Variants in WWOX observed in about 807,000 individuals in gnomAD.
The protein encoded by WWOX is WW domain containing oxidoreductase.
Under a neutral mutation model 46.2 loss-of-function variants are expected in WWOX, and 69 were observed. That is an observed-to-expected ratio of 1.49 (90% CI 1.23 to 1.82). WWOX has a LOEUF of 1.82. WWOX is among the 40% of genes most tolerant of loss of function. The pLI is 0.00. For missense variants in WWOX, 919 were observed against 542.6 expected (o/e 1.69, Z -6.89); for synonymous variants, 359 against 202.6 (o/e 1.77, Z -6.56).
rs192432555 is a variant in WWOX, at chr16:78,405,475, A to G, written c.605+18527A>G. 2.4e-3 allele frequency among the ~76,000 whole-genome samples: 359 copies of G among 152,324 alleles called. 1 individual carries two copies. The highest frequency in any genetic ancestry group is 4.5e-3 in the Non-Finnish European group (304 of 68,038). The stretch of plus-strand genomic sequence containing the variant: ...ATAGCTGATGGTCACTGGCCACCCA[A>G]GCTGATACTGATTTTATATGTTGAT... On this transcript the variant is annotated intron_variant, in intron 6 of 8. Coordinates refer to ENST00000566780, the MANE Select transcript of WWOX (RefSeq NM_016373.4).
At chr16:78,783,069 C>A (rs898051289) in intron 8 of WWOX, among the ~76,000 whole-genome samples, 13 of 152,318 alleles carry the variant, frequency 8.5e-5, no homozygotes, top group Non-Finnish European at 4.4e-5. Context: ...TGGAAAGCAT[C>A]AGCAATGCAC....
At chr16:78,943,587 C>T (rs898184523) in intron 8 of WWOX, among the ~76,000 whole-genome samples, 1 of 152,136 alleles carries the variant, frequency 6.6e-6, no homozygotes, top group African/African-American at 2.4e-5. Flanking sequence ...TCCTGGGAAA[C>T]AAACAAAATA....
chr16:78,422,342 C>T (rs181473719), intron 6 of WWOX, among the ~76,000 whole-genome samples: 7 of 150,436 alleles, frequency 4.7e-5, no homozygotes, highest in South Asian at 2.1e-4. Flanking sequence ...TCTTAGGCTG[C>T]GATGTGAAAA....
chr16:78,498,964 A>T (rs1028351274), intron 8 of WWOX, among the ~76,000 whole-genome samples: 1 of 152,224 alleles, frequency 6.6e-6, no homozygotes, highest in African/African-American at 2.4e-5. Context: ...ATGGAATATT[A>T]TGAAGGCTCA....
intron 8 of WWOX, among the ~76,000 whole-genome samples, chr16:78,562,648 T>C (rs2044466658): frequency 6.6e-6 from 1 of 152,230 alleles, no homozygotes. Flanking sequence ...CTTTGTCAGT[T>C]GCTCACACTC....
chr16:78,721,994 A>G (rs111621772), intron 8 of WWOX, among the ~76,000 whole-genome samples: 1 of 152,360 alleles, frequency 6.6e-6, no homozygotes, highest in African/African-American at 2.4e-5. Context: ...TTAAATTAGC[A>G]TCCAGGCACT....
chr16:78,502,576 T>A (rs550818518), intron 8 of WWOX, among the ~76,000 whole-genome samples: 1 of 152,354 alleles, frequency 6.6e-6, no homozygotes, highest in East Asian at 1.9e-4. Context: ...ATTTTGTGTA[T>A]CCATTCATTA....
intron 8 of WWOX, among the ~76,000 whole-genome samples, chr16:78,614,453 G>T (rs1008998586): frequency 2.0e-5 from 3 of 152,314 alleles, no homozygotes; most frequent in East Asian, 1.9e-4. Context: ...CTCTGGCTGG[G>T]GTGAGGGCGG....
rs2037525301 is a variant in WWOX at position 78,238,720 on chromosome 16, A to AG, written c.516+74432dup. 1.3e-5 allele frequency among the ~76,000 whole-genome samples: 2 copies of AG among 150,914 alleles called. 1 individual carries two copies. The highest frequency in any genetic ancestry group is 1.3e-4 in the Admixed American group (2 of 15,142). On this transcript the variant is annotated intron_variant, in intron 5 of 8. Transcript: ENST00000566780. Reference sequence around the variant, plus strand: ...CCATGATCTCTACCTCCCAGGTTCAAGCGATTCTCCTGCCGCAGCCTCCCG... The same window carrying AG: ...CCATGATCTCTACCTCCCAGGTTCAAGGCGATTCTCCTGCCGCAGCCTCCCG...
chr16:78,103,468 C>G (rs1191520357), intron 1 of WWOX, among the ~76,000 whole-genome samples: 1 of 151,960 alleles, frequency 6.6e-6, no homozygotes, highest in South Asian at 2.1e-4. Context: ...ACTCTCTGGA[C>G]CTTGTGTCCG....
At chr16:78,250,854 C>G (rs1020866725) in intron 5 of WWOX, among the ~76,000 whole-genome samples, 10 of 152,182 alleles carry the variant, frequency 6.6e-5, no homozygotes, top group Admixed American at 5.2e-4. Context: ...ACTTAACACC[C>G]TCCCCCTAAC....
intron 8 of WWOX, among the ~76,000 whole-genome samples, chr16:79,121,548 G>C (rs1455563983): frequency 2.0e-5 from 3 of 152,160 alleles, no homozygotes; most frequent in African/African-American, 7.2e-5. Flanking sequence ...TGAACTTCCA[G>C]GGACTCGGGA....
chr16:78,486,534 T>G (rs1368736769), intron 8 of WWOX, among the ~76,000 whole-genome samples: 1 of 150,108 alleles, frequency 6.7e-6, no homozygotes, highest in Non-Finnish European at 1.5e-5. Flanking sequence ...TGTTGTACAC[T>G]ACTGGGTGTG....
chr16:78,620,481 A>G (rs914679439), intron 8 of WWOX, among the ~76,000 whole-genome samples: 11 of 152,168 alleles, frequency 7.2e-5, no homozygotes, highest in African/African-American at 2.4e-4. Flanking sequence ...AGATAGCTGT[A>G]TCATTGGCAG....
chr16:78,543,344 T>C (rs2043945587), intron 8 of WWOX, among the ~76,000 whole-genome samples: 1 of 152,202 alleles, frequency 6.6e-6, no homozygotes, highest in Non-Finnish European at 1.5e-5. Context: ...CCTGTGGGCT[T>C]AGAAGAAAAC....
intron 8 of WWOX, among the ~76,000 whole-genome samples, chr16:78,723,663 T>C (rs1483762024): frequency 9.2e-6 from 1 of 108,860 alleles, no homozygotes; most frequent in Non-Finnish European, 1.9e-5. Context: ...CTCTCGGGAT[T>C]CTGAGAGCAT....
chr16:78,242,099 A>T (rs2037669674), intron 5 of WWOX, among the ~76,000 whole-genome samples: 1 of 152,226 alleles, frequency 6.6e-6, no homozygotes, highest in Admixed American at 6.5e-5. Flanking sequence ...GCAGACTTGA[A>T]GAATTGCGAC....
At chr16:78,618,371 G>A (rs1410749245) in intron 8 of WWOX, among the ~76,000 whole-genome samples, 1 of 152,168 alleles carries the variant, frequency 6.6e-6, no homozygotes, top group African/African-American at 2.4e-5. Context: ...CCTAGATCAA[G>A]GTGTCAGCAG....
rs1235686907 is a variant in WWOX at position 78,435,830 on chromosome 16, T to C, written c.1056+3078T>C. On this transcript the variant is annotated intron_variant, in intron 8 of 8. Coordinates refer to ENST00000566780, the MANE Select transcript of WWOX (RefSeq NM_016373.4). ...TGAGCCTGTCTCATTACGATGAAAA[T>C]TGTGATACAGGTTAGTGTAAGGACC... 2.0e-5 allele frequency among the ~76,000 whole-genome samples: 3 copies of C among 152,116 alleles called. 1 individual carries two copies. Among genetic ancestry groups the C allele is most frequent in the Non-Finnish European group, 4.4e-5 (3 of 68,034 alleles).
Sources: allele counts gnomAD v4.1 joint callset (sites outside exome capture counted in the v4.1 genomes callset), GRCh38; gene constraint gnomAD v4.1.1; transcripts MANE v1.5; gene names NCBI Gene and HGNC (gene_info 2026-07-23, HGNC 2026-07-21).